Variants in RIC1 observed in about 807,000 individuals in gnomAD.
RIC1 encodes guanine nucleotide exchange factor subunit RIC1.
A neutral mutation model predicts 169.0 loss-of-function variants in RIC1; 88 were observed. The observed-to-expected ratio is 0.52, with a 90% CI of 0.44 to 0.62. The LOEUF is 0.62. Ranked by LOEUF, RIC1 falls within the 20% of genes least tolerant of loss-of-function variation. The pLI is 0.00. For missense variants in RIC1, 1,877 were observed against 1,725.5 expected (o/e 1.09, Z -1.56); for synonymous variants, 790 against 601.5 (o/e 1.31, Z -4.59).
chr9:5,684,067 G>T lies in RIC1; in HGVS notation c.253-5892G>T, dbSNP rs531450162. On this transcript the variant is annotated intron_variant, in intron 2 of 25. Coordinates refer to ENST00000414202, the MANE Select transcript of RIC1 (RefSeq NM_020829.4). ...TCACCCCTTTCTTTGACTAGGAAAGGGAATTCCCTGACCCCTTGCGCTTCC... is the reference window on the plus strand; with the variant it reads ...TCACCCCTTTCTTTGACTAGGAAAGTGAATTCCCTGACCCCTTGCGCTTCC... 5.9e-5 allele frequency among the ~76,000 whole-genome samples: 9 copies of T among 152,230 alleles called. 1 individual carries two copies. In the South Asian group the frequency reaches 1.9e-3, roughly 32 times the overall value.
chr9:5,692,642 C>T (rs1206997130), intron 3 of RIC1, among the ~76,000 whole-genome samples: 1 of 151,942 alleles, frequency 6.6e-6, no homozygotes, highest in Non-Finnish European at 1.5e-5. Context: ...TAGTGAGTTT[C>T]TTGGTTTTTC....
rs576489231 is a variant in RIC1, at chr9:5,766,717, G to C, written c.3137+919G>C. Among the ~76,000 whole-genome samples the C allele has an allele frequency of 1.9e-3, 293 of 152,136 alleles. 2 individuals are homozygous for C. The highest frequency in any genetic ancestry group is 3.7e-3 in the Non-Finnish European group (249 of 68,006). On this transcript the variant is annotated intron_variant, in intron 21 of 25. Transcript: ENST00000414202. ...CTGAGTAGTATTCCATCATATATAC[G>C]TATATACAAGTTTCTTTATCCACTC... is the stretch of plus-strand genomic sequence containing the variant.
chr9:5,774,265 A>G lies in RIC1; in HGVS notation c.*19A>G. 6.3e-7 allele frequency: 1 copy of G among 1,584,518 alleles called. No homozygotes were observed. Among genetic ancestry groups the G allele is most frequent in the Non-Finnish European group, 8.6e-7 (1 of 1,164,632 alleles). On this transcript the variant is annotated 3_prime_UTR_variant, in exon 26 of 26. Transcript: ENST00000414202. ...GTCCTAACAGTGAGGTTCCATCACA[A>G]AGGGGCAGTATTAATTAGCAGCAGC...
chr9:5,685,070 T>C (rs1426172801), intron 2 of RIC1, among the ~76,000 whole-genome samples: 1 of 152,122 alleles, frequency 6.6e-6, no homozygotes, highest in African/African-American at 2.4e-5. Flanking sequence ...TAATTTTGTT[T>C]AGAATATGTT....
chr9:5,684,523 G>T (rs995304165), intron 2 of RIC1, among the ~76,000 whole-genome samples: 1 of 151,802 alleles, frequency 6.6e-6, no homozygotes, highest in Non-Finnish European at 1.5e-5. Context: ...TAATGTTACT[G>T]ATTTTTTTCA....
chr9:5,676,542 C>G (rs975024746), intron 2 of RIC1, among the ~76,000 whole-genome samples: 1 of 152,074 alleles, frequency 6.6e-6, no homozygotes, highest in African/African-American at 2.4e-5. Flanking sequence ...GTAACCTGCT[C>G]AAGAATACAT....
intron 1 of RIC1, among the ~76,000 whole-genome samples, chr9:5,641,236 C>T (rs866946600): frequency 3.9e-5 from 6 of 151,950 alleles, no homozygotes; most frequent in Non-Finnish European, 8.8e-5. Flanking sequence ...GGACTACAGG[C>T]GCCCACCACC....
chr9:5,652,881 T>G (rs545812347), intron 1 of RIC1, among the ~76,000 whole-genome samples: 1 of 152,336 alleles, frequency 6.6e-6, no homozygotes, highest in Admixed American at 6.5e-5. Context: ...ATTCTTTCTA[T>G]TCTTAATTTG....
At chr9:5,689,022 A>T (rs1052639999) in intron 2 of RIC1, among the ~76,000 whole-genome samples, 1 of 150,078 alleles carries the variant, frequency 6.7e-6, no homozygotes, top group African/African-American at 2.4e-5. Context: ...ATCATGTAAT[A>T]GCACTGTTTT....
intron 7 of RIC1, among the ~76,000 whole-genome samples, chr9:5,738,116 C>G (rs1452957891): frequency 6.6e-6 from 1 of 152,122 alleles, no homozygotes; most frequent in East Asian, 1.9e-4. Context: ...TATTATATTG[C>G]TATACCATAT....
chr9:5,678,710 ATTTG>A (rs1347193220), intron 2 of RIC1, among the ~76,000 whole-genome samples: 1 of 152,022 alleles, frequency 6.6e-6, no homozygotes, highest in Non-Finnish European at 1.5e-5. Context: ...TTTCTTGTAA[ATTTG>A]TTTGAGTTCA....
chr9:5,691,611 A>G (rs914202544), intron 3 of RIC1, among the ~76,000 whole-genome samples: 3 of 151,988 alleles, frequency 2.0e-5, no homozygotes, highest in African/African-American at 7.2e-5. Flanking sequence ...TTTATGGGTA[A>G]AACTGAAAAA....
chr9:5,640,146 T>C (rs896042454), intron 1 of RIC1, among the ~76,000 whole-genome samples: 7 of 152,344 alleles, frequency 4.6e-5, no homozygotes, highest in African/African-American at 1.4e-4. Flanking sequence ...TCGTTCTTTC[T>C]TTACTTGCTG....
At chr9:5,641,801 A>T (rs760934438) in intron 1 of RIC1, among the ~76,000 whole-genome samples, 1 of 144,136 alleles carries the variant, frequency 6.9e-6, no homozygotes, top group South Asian at 2.1e-4. Flanking sequence ...TTAAAATGTG[A>T]TAGAATTCTG....
chr9:5,722,922 G>A (rs975188467), intron 6 of RIC1, among the ~76,000 whole-genome samples: 1 of 152,202 alleles, frequency 6.6e-6, no homozygotes, highest in Non-Finnish European at 1.5e-5. Context: ...ATTCCATGGT[G>A]TATATGTGCC....
At chr9:5,772,371 G>C (rs1827281878) in intron 23 of RIC1, among the ~76,000 whole-genome samples, 193 bp from the exon 24 acceptor site, 1 of 152,120 alleles carries the variant, frequency 6.6e-6, no homozygotes, top group Non-Finnish European at 1.5e-5. Context: ...CCATCTAAAG[G>C]TACATAATGT....
At chr9:5,679,851 G>A (rs1353963009) in intron 2 of RIC1, among the ~76,000 whole-genome samples, 1 of 151,988 alleles carries the variant, frequency 6.6e-6, no homozygotes, top group East Asian at 1.9e-4. Flanking sequence ...CTGCCTGATT[G>A]CCCTGGCCAG....
intron 21 of RIC1, 78 bp downstream of exon 21, chr9:5,765,876 C>T: frequency 6.6e-7 from 1 of 1,523,890 alleles, no homozygotes; most frequent in Non-Finnish European, 9.0e-7. Context: ...AAAATTAGGT[C>T]TTAATGGAAA....
chr9:5,761,384 G>C (rs538875875), intron 17 of RIC1, among the ~76,000 whole-genome samples: 4 of 152,184 alleles, frequency 2.6e-5, no homozygotes, highest in Non-Finnish European at 5.9e-5. Flanking sequence ...CAAATGCTGG[G>C]ATTACAGGTG....
Sources: allele counts gnomAD v4.1 joint callset (sites outside exome capture counted in the v4.1 genomes callset), GRCh38; gene constraint gnomAD v4.1.1; transcripts MANE v1.5; gene names NCBI Gene and HGNC (gene_info 2026-07-23, HGNC 2026-07-21).